The following SYTL5 variants were observed in gnomAD, a reference collection of about 807,000 sequenced individuals.
SYTL5 encodes synaptotagmin like 5.
In SYTL5, 34 loss-of-function variants were observed where a neutral mutation model predicts 55.9. The ratio of observed to expected loss-of-function variants is 0.61; its 90% CI spans 0.46 to 0.81. The LOEUF is 0.81. Ranked by LOEUF, SYTL5 falls within the 30% of genes least tolerant of loss-of-function variation. The probability of loss-of-function intolerance (pLI) is 0.00; values close to 1 mark genes in which losing one functional copy is unlikely to be tolerated. For missense variants in SYTL5, 637 were observed against 546.7 expected (o/e 1.17, Z -1.65); for synonymous variants, 221 against 188.7 (o/e 1.17, Z -1.40).
intron 2 of SYTL5, 96 bp from the exon 3 acceptor site, chrX:38,054,116 CA>C (rs1057036764): frequency 1.5e-6 from 1 of 665,378 alleles, no homozygotes; most frequent in African/African-American, 2.2e-5. Context: ...TTATTTGAGG[CA>C]AATATTCTAT....
the SYTL5 span, among the ~76,000 whole-genome samples, chrX:37,942,575 A>G: frequency 8.9e-6 from 1 of 111,760 alleles, no homozygotes; most frequent in Non-Finnish European, 1.9e-5. Flanking sequence ...TTCTCTGCTA[A>G]GCTCTTGAAC....
At chrX:38,015,896 A>G (rs1248967501) in intron 1 of SYTL5, among the ~76,000 whole-genome samples, 1 of 111,142 alleles carries the variant, frequency 9.0e-6, no homozygotes, top group Non-Finnish European at 1.9e-5. Context: ...AGCTTTCACT[A>G]TCTTCTCTAA....
chrX:38,100,594 T>C (rs983299267), intron 9 of SYTL5, among the ~76,000 whole-genome samples: 1 of 111,338 alleles, frequency 9.0e-6, no homozygotes, highest in Non-Finnish European at 1.9e-5. Context: ...ATGAAGACTG[T>C]AAACATCTAC....
At chrX:37,971,677 T>C in the SYTL5 span, among the ~76,000 whole-genome samples, 1 of 111,697 alleles carries the variant, frequency 9.0e-6, no homozygotes, top group Non-Finnish European at 1.9e-5. Flanking sequence ...TTAGGACTCT[T>C]TTTCCTTAAT....
chrX:37,970,404 A>G, the SYTL5 span, among the ~76,000 whole-genome samples: 1 of 99,150 alleles, frequency 1.0e-5, no homozygotes, highest in South Asian at 4.4e-4. Flanking sequence ...AACTTTCTTT[A>G]CATCTCTTAT....
At chrX:37,983,413 A>G in the SYTL5 span, among the ~76,000 whole-genome samples, 14 of 112,449 alleles carry the variant, frequency 1.2e-4, no homozygotes, top group African/African-American at 3.9e-4. Flanking sequence ...ATATTAAAAT[A>G]AAAAATGCTA....
At chrX:38,014,029 A>C (rs977534534) in intron 1 of SYTL5, among the ~76,000 whole-genome samples, 1 of 111,172 alleles carries the variant, frequency 9.0e-6, no homozygotes, top group Non-Finnish European at 1.9e-5. Flanking sequence ...TTCAGCTTTT[A>C]TTTCTTTCTT....
At chrX:37,901,081 T>G in the SYTL5 span, among the ~76,000 whole-genome samples, 1 of 111,885 alleles carries the variant, frequency 8.9e-6, no homozygotes, top group East Asian at 2.8e-4. Context: ...AAGTGGGTGC[T>G]TCACAAAGAT....
the SYTL5 span, among the ~76,000 whole-genome samples, chrX:37,929,601 G>A: frequency 8.9e-6 from 1 of 111,789 alleles, no homozygotes; most frequent in Non-Finnish European, 1.9e-5. Flanking sequence ...AAAAGGGAGG[G>A]GCAGTTACAA....
chrX:37,966,766 ACTTTTGT>A, the SYTL5 span, among the ~76,000 whole-genome samples: 1 of 111,172 alleles, frequency 9.0e-6, no homozygotes, highest in Non-Finnish European at 1.9e-5. Context: ...TACTTTTAAT[ACTTTTGT>A]CTTTTAAGTT....
the SYTL5 span, among the ~76,000 whole-genome samples, chrX:37,960,430 G>A: frequency 2.7e-5 from 3 of 111,864 alleles, no homozygotes; most frequent in East Asian, 2.8e-4. Context: ...TGCTGCTTTC[G>A]TATATGTTCC....
the SYTL5 span, among the ~76,000 whole-genome samples, chrX:37,898,565 G>T: frequency 5.4e-5 from 6 of 111,834 alleles, no homozygotes; most frequent in Middle Eastern, 4.2e-3. Flanking sequence ...AAATAAAAAC[G>T]CTTAACTAAT....
chrX:37,996,128 G>A, the SYTL5 span, among the ~76,000 whole-genome samples: 2 of 112,113 alleles, frequency 1.8e-5, no homozygotes, highest in East Asian at 5.6e-4. Context: ...GCAGAGTCAA[G>A]GGGCATGGGA....
the SYTL5 span, among the ~76,000 whole-genome samples, chrX:37,932,583 C>A: frequency 8.9e-6 from 1 of 112,110 alleles, no homozygotes; most frequent in African/African-American, 3.2e-5. Context: ...ATGGCAGTCA[C>A]AATGACTCTG....
intron 9 of SYTL5, among the ~76,000 whole-genome samples, chrX:38,098,557 G>C (rs1175513387): frequency 9.0e-6 from 1 of 110,695 alleles, no homozygotes; most frequent in Non-Finnish European, 1.9e-5. Context: ...GTGTTGATGA[G>C]GATGCGGAGA....
At chrX:37,988,567 T>A in the SYTL5 span, among the ~76,000 whole-genome samples, 1 of 112,308 alleles carries the variant, frequency 8.9e-6, no homozygotes, top group Non-Finnish European at 1.9e-5. Context: ...GAGCATTATA[T>A]AACAACCTTA....
intron 9 of SYTL5, among the ~76,000 whole-genome samples, chrX:38,097,880 G>GAA (rs796241632): frequency 5.6e-5 from 5 of 88,773 alleles, no homozygotes; most frequent in Non-Finnish European, 2.3e-5. Context: ...TGAGATTCCA[G>GAA]AAAAAAAAAA....
intron 5 of SYTL5, among the ~76,000 whole-genome samples, chrX:38,074,912 A>G (rs927478413): frequency 1.8e-5 from 2 of 108,728 alleles, no homozygotes; most frequent in African/African-American, 7.0e-5. Flanking sequence ...CTCAACACAC[A>G]CACACACACA....
the SYTL5 span, chrX:37,994,349 T>A: frequency 1.3e-4 from 15 of 112,788 alleles, no homozygotes; most frequent in Non-Finnish European, 2.8e-4. Context: ...TCCTCATGGC[T>A]GGAAACAAAA....
Sources: gnomAD v4.1 joint callset for allele counts (sites outside exome capture counted in the v4.1 genomes callset) on GRCh38, gnomAD v4.1.1 for gene constraint, MANE v1.5 for transcripts, NCBI Gene and HGNC (gene_info 2026-07-23, HGNC 2026-07-21) for gene names.